The following ARL6IP5 variants were observed in gnomAD, a reference collection of about 807,000 sequenced individuals.
ARL6IP5 encodes the protein PRA1 family protein 3.
ARL6IP5 carries 6 observed loss-of-function variants against 13.0 expected under a neutral mutation model. The observed-to-expected ratio is 0.46, with a 90% CI of 0.25 to 0.91. The LOEUF (loss-of-function observed/expected upper bound fraction) is 0.91. Ranked by LOEUF, ARL6IP5 falls within the 40% of genes least tolerant of loss-of-function variation. The pLI, the probability that ARL6IP5 is intolerant of heterozygous loss-of-function variation, is 0.17. For missense variants in ARL6IP5, 208 were observed against 248.8 expected (o/e 0.84, Z 1.10); for synonymous variants, 91 against 91.9 (o/e 0.99, Z 0.06).
intron 1 of ARL6IP5, among the ~76,000 whole-genome samples, chr3:69,085,748 G>C (rs893149829): frequency 2.6e-5 from 4 of 152,112 alleles, no homozygotes; most frequent in Non-Finnish European, 2.9e-5. Flanking sequence ...GGATCAAAAG[G>C]GGGGGTGTCT....
At chr3:69,100,676 G>A (rs1001043718) in intron 1 of ARL6IP5, among the ~76,000 whole-genome samples, 1 of 151,926 alleles carries the variant, frequency 6.6e-6, no homozygotes, top group African/African-American at 2.4e-5. Context: ...AGTTACTCGG[G>A]AGGCTGAGGC....
intron 1 of ARL6IP5, among the ~76,000 whole-genome samples, chr3:69,101,315 C>A (rs1205824988): frequency 7.7e-6 from 1 of 130,038 alleles, no homozygotes; most frequent in Non-Finnish European, 1.6e-5. Flanking sequence ...CTCAGCTCCA[C>A]CTTTTTTTTT....
chr3:69,103,059 TTTGC>T (rs1218348772), intron 2 of ARL6IP5, among the ~76,000 whole-genome samples: 1 of 152,250 alleles, frequency 6.6e-6, no homozygotes, highest in Admixed American at 6.5e-5. Flanking sequence ...AATGAAATTA[TTTGC>T]TTGTTTAGGG....
chr3:69,094,559 T>C (rs1157800530), intron 1 of ARL6IP5, among the ~76,000 whole-genome samples: 3 of 151,908 alleles, frequency 2.0e-5, no homozygotes, highest in Non-Finnish European at 4.4e-5. Context: ...TGTTCCCCAC[T>C]TTTTCGGTGA....
intron 1 of ARL6IP5, among the ~76,000 whole-genome samples, chr3:69,096,905 T>C (rs1177203348): frequency 2.0e-5 from 3 of 152,144 alleles, no homozygotes; most frequent in Non-Finnish European, 4.4e-5. Flanking sequence ...CCTGGCGATC[T>C]TTGTTTTTCT....
intron 1 of ARL6IP5, 86 bp from the exon 2 acceptor site, chr3:69,101,753 C>A: frequency 8.7e-7 from 1 of 1,144,374 alleles, no homozygotes; most frequent in South Asian, 1.3e-5. Flanking sequence ...AGTAAGTTCT[C>A]AATAATTGTT....
intron 1 of ARL6IP5, among the ~76,000 whole-genome samples, chr3:69,097,370 C>T (rs1325562442): frequency 2.9e-5 from 4 of 139,654 alleles, no homozygotes; most frequent in South Asian, 2.2e-4. Context: ...GATGGGGTTT[C>T]GCCATGTTGC....
At chr3:69,091,654 C>CT (rs529198443) in intron 1 of ARL6IP5, among the ~76,000 whole-genome samples, 1,212 of 105,700 alleles carry the variant, frequency 0.011, 35 homozygotes, top group African/African-American at 0.03. Flanking sequence ...CTCCGTCCAG[C>CT]TTTTTTTTTT....
chr3:69,085,239 C>G lies in ARL6IP5; in HGVS notation c.176+16C>G. ...CCATTGTGGGGTAAGTGGGGTCCCC[C>G]TACCCGGGACACCGATCCGGGGCGA... On this transcript the variant is annotated intron_variant, in intron 1 of 2. Transcript: ENST00000273258. 1 of 1,604,456 alleles carries G rather than the reference C, an allele frequency of 6.2e-7. No individual in the cohort carries two copies. The highest frequency in any genetic ancestry group is 8.5e-7 in the Non-Finnish European group (1 of 1,173,048).
At chr3:69,104,155 G>A (rs2092315031) in intron 2 of ARL6IP5, among the ~76,000 whole-genome samples, 1 of 152,180 alleles carries the variant, frequency 6.6e-6, no homozygotes, top group Non-Finnish European at 1.5e-5. Context: ...CTGAATTTCA[G>A]GACATTTAAG....
rs771428708 is a variant in ARL6IP5, at chr3:69,102,106, A to G, written c.394+50A>G. On this transcript the variant is annotated intron_variant, in intron 2 of 2. Coordinates refer to ENST00000273258, the MANE Select transcript of ARL6IP5 (RefSeq NM_006407.4). ...CCATCATCAAAAAAATGTAGAAGCA[A>G]TTATCCAACGGGAATTCCATAACCC... 28 of 1,568,998 alleles carry G rather than the reference A, an allele frequency of 1.8e-5. No individual in the cohort carries two copies. The African/African-American group carries it at 3.7e-4, about 21-fold the overall frequency.
chr3:69,090,043 G>C (rs1458013702), intron 1 of ARL6IP5: 7 of 348,010 alleles, frequency 2.0e-5, no homozygotes, highest in African/African-American at 1.3e-4. Flanking sequence ...TGGCTTGGTG[G>C]CTCTGTAATA....
intron 2 of ARL6IP5, among the ~76,000 whole-genome samples, chr3:69,102,958 A>G (rs909351181): frequency 6.6e-6 from 1 of 152,262 alleles, no homozygotes; most frequent in Non-Finnish European, 1.5e-5. Flanking sequence ...CAGCCTAATC[A>G]GCAGAAATCT....
At chr3:69,100,954 A>T (rs1350832997) in intron 1 of ARL6IP5, among the ~76,000 whole-genome samples, 1 of 152,044 alleles carries the variant, frequency 6.6e-6, no homozygotes, top group African/African-American at 2.4e-5. Context: ...TGGGCCTAGC[A>T]CTGTTATTTT....
At chr3:69,089,657 A>AT (rs397706326) in intron 1 of ARL6IP5, among the ~76,000 whole-genome samples, 3 of 151,166 alleles carry the variant, frequency 2.0e-5, no homozygotes, top group South Asian at 2.1e-4. Context: ...AAAAAAAAAA[A>AT]TTATTTTCTG....
intron 1 of ARL6IP5, among the ~76,000 whole-genome samples, chr3:69,094,365 G>C (rs1206360327): frequency 6.6e-6 from 1 of 152,184 alleles, no homozygotes; most frequent in Non-Finnish European, 1.5e-5. Context: ...AGTGGCCCTG[G>C]CTGCAGAGGC....
In ARL6IP5 at chr3:69,101,953, C is replaced by T. The variant is rs762018201; in HGVS notation, c.291C>T (p.Tyr97=). The part of the protein sequence containing the change: ...KDVLRRMKKR[Y]PTTFVMVVML... ...TCCTTCGCCGGATGAAGAAGCGCTA[C>T]CCCACGACGTTCGTTATGGTGGTCA... Residue 97 remains tyrosine, a synonymous_variant, in exon 2 of 3, where the codon TAC becomes TAT. Coordinates refer to ENST00000273258, the MANE Select transcript of ARL6IP5 (RefSeq NM_006407.4). 6 of 1,614,084 alleles carry T rather than the reference C, an allele frequency of 3.7e-6. No homozygotes were observed. The highest frequency in any genetic ancestry group is 1.1e-5 in the South Asian group (1 of 91,076).
At chr3:69,086,632 T>C (rs1575856890) in intron 1 of ARL6IP5, among the ~76,000 whole-genome samples, 1 of 151,732 alleles carries the variant, frequency 6.6e-6, no homozygotes, top group Non-Finnish European at 1.5e-5. Context: ...CAGGGCAGGG[T>C]GGGGCAGGCC....
At chr3:69,085,807 G>A (rs941157838) in intron 1 of ARL6IP5, among the ~76,000 whole-genome samples, 6 of 152,204 alleles carry the variant, frequency 3.9e-5, no homozygotes, top group Non-Finnish European at 7.3e-5. Flanking sequence ...ATGACTGTGG[G>A]AAGATGGCCT....
Sources: allele counts gnomAD v4.1 joint callset (sites outside exome capture counted in the v4.1 genomes callset), GRCh38; gene constraint gnomAD v4.1.1; transcripts MANE v1.5; gene names NCBI Gene and HGNC (gene_info 2026-07-23, HGNC 2026-07-21).